CDH13: variants seen among roughly 807,000 people sequenced by gnomAD.
CDH13 encodes cadherin-13.
A neutral mutation model predicts 63.8 loss-of-function variants in CDH13; 24 were observed. That is an observed-to-expected ratio of 0.38 (90% CI 0.27 to 0.53). The LOEUF is 0.53. Ranked by LOEUF, CDH13 falls within the 20% of genes least tolerant of loss-of-function variation. CDH13 has a pLI of 0.85. For synonymous variants in CDH13, 503 were observed against 355.3 expected (o/e 1.42, Z -4.67); for missense variants, 1,049 against 903.1 (o/e 1.16, Z -2.07).
chr16:82,771,656 G>T (rs1041342307), intron 1 of CDH13, among the ~76,000 whole-genome samples: 3 of 152,216 alleles, frequency 2.0e-5, no homozygotes, highest in Admixed American at 1.3e-4. Context: ...TCCAGCTTTA[G>T]AATGCAAACT....
At chr16:83,492,914 C>G (rs1395886258) in intron 7 of CDH13, among the ~76,000 whole-genome samples, 3 of 152,332 alleles carry the variant, frequency 2.0e-5, no homozygotes, top group Non-Finnish European at 4.4e-5. Flanking sequence ...TCCATTAAAG[C>G]TAAGACCGTG....
chr16:83,094,059 G>A (rs547041509), intron 3 of CDH13, among the ~76,000 whole-genome samples: 5 of 152,196 alleles, frequency 3.3e-5, no homozygotes, highest in Non-Finnish European at 5.9e-5. Flanking sequence ...TTAAGAGCAG[G>A]GTGACATGAA....
intron 6 of CDH13, among the ~76,000 whole-genome samples, chr16:83,478,836 G>GAAA (rs374669824): frequency 8.9e-5 from 10 of 112,276 alleles, no homozygotes; most frequent in Admixed American, 2.8e-4. Context: ...TTGAAGATGA[G>GAAA]AAAAAAAAAA....
At chr16:83,035,641 G>C (rs1440156283) in intron 3 of CDH13, among the ~76,000 whole-genome samples, 1 of 152,194 alleles carries the variant, frequency 6.6e-6, no homozygotes, top group African/African-American at 2.4e-5. Flanking sequence ...TCCAACCCCT[G>C]CATGAGCTGG....
chr16:82,912,394 G>A (rs1172077479), intron 2 of CDH13, among the ~76,000 whole-genome samples: 3 of 152,160 alleles, frequency 2.0e-5, no homozygotes, highest in African/African-American at 7.2e-5. Context: ...CATGGTTGTA[G>A]AGTTCAGATA....
chr16:83,795,196 A>C lies in CDH13; in HGVS notation c.*166A>C. On this transcript the variant is annotated 3_prime_UTR_variant, in exon 14 of 14. Coordinates refer to ENST00000567109, the MANE Select transcript of CDH13 (RefSeq NM_001257.5). ...TACAATTTCACTTAGTCTGTACTTC[A>C]TCATTTTGACAGCATCTTCCTCCCT... The C allele has an allele frequency of 3.5e-6, 2 of 577,418 alleles. No individual in the cohort carries two copies. The highest frequency in any genetic ancestry group is 6.1e-6 in the Non-Finnish European group (2 of 329,384). The allele number at this position is 577,418 out of a possible 1,614,324, so 35.8% of individuals were successfully genotyped here.
At chr16:83,086,090 T>C (rs903335564) in intron 3 of CDH13, among the ~76,000 whole-genome samples, 4 of 152,274 alleles carry the variant, frequency 2.6e-5, no homozygotes, top group African/African-American at 9.6e-5. Context: ...TACCCCATGA[T>C]GAAAAGATGG....
chr16:83,526,249 T>C (rs1360301198), intron 7 of CDH13, among the ~76,000 whole-genome samples: 1 of 152,200 alleles, frequency 6.6e-6, no homozygotes, highest in Non-Finnish European at 1.5e-5. Context: ...TTTTGTTTTT[T>C]TCCTCTTTAT....
At chr16:82,635,941 C>T (rs565501596) in intron 1 of CDH13, among the ~76,000 whole-genome samples, 6 of 152,210 alleles carry the variant, frequency 3.9e-5, no homozygotes, top group East Asian at 1.9e-4. Flanking sequence ...GTGCCTCCTT[C>T]GCCTTCCCCT....
chr16:83,106,853 A>G (rs886186474), intron 3 of CDH13, among the ~76,000 whole-genome samples: 7 of 152,164 alleles, frequency 4.6e-5, no homozygotes, highest in African/African-American at 1.7e-4. Context: ...GTGTTTTAAT[A>G]TATTTTTTGG....
intron 5 of CDH13, among the ~76,000 whole-genome samples, chr16:83,320,391 C>T (rs946754416): frequency 6.6e-6 from 1 of 152,068 alleles, no homozygotes; most frequent in African/African-American, 2.4e-5. Context: ...GACTTATTGT[C>T]CCAAGACCAA....
intron 7 of CDH13, among the ~76,000 whole-genome samples, chr16:83,518,206 G>A (rs568917460): frequency 8.5e-5 from 13 of 152,196 alleles, no homozygotes; most frequent in Middle Eastern, 3.4e-3. Flanking sequence ...GTGCAGTGGC[G>A]TGATCTTGGC....
At chr16:83,509,519 A>G (rs1367920019) in intron 7 of CDH13, among the ~76,000 whole-genome samples, 1 of 152,192 alleles carries the variant, frequency 6.6e-6, no homozygotes, top group African/African-American at 2.4e-5. Context: ...ATAAAACTTT[A>G]TTTACAAAAG....
intron 6 of CDH13, among the ~76,000 whole-genome samples, chr16:83,347,229 C>A (rs1040162835): frequency 2.6e-5 from 4 of 151,990 alleles, no homozygotes; most frequent in African/African-American, 9.7e-5. Flanking sequence ...ATAACAAACC[C>A]TAACTGGCTA....
intron 11 of CDH13, among the ~76,000 whole-genome samples, chr16:83,749,414 A>G (rs1232606011): frequency 6.6e-6 from 1 of 152,206 alleles, no homozygotes; most frequent in Non-Finnish European, 1.5e-5. Context: ...GAGTGGCATT[A>G]CCCAGAAATC....
intron 1 of CDH13, among the ~76,000 whole-genome samples, chr16:82,760,417 T>C (rs1003244153): frequency 5.9e-5 from 9 of 152,144 alleles, no homozygotes; most frequent in African/African-American, 1.9e-4. Context: ...TTCACCATTG[T>C]TTATCTTATG....
At chr16:83,575,567 C>T (rs1567777656) in intron 7 of CDH13, among the ~76,000 whole-genome samples, 1 of 152,170 alleles carries the variant, frequency 6.6e-6, no homozygotes, top group South Asian at 2.1e-4. Flanking sequence ...CATCTTCACC[C>T]ATGCCCATCC....
intron 10 of CDH13, among the ~76,000 whole-genome samples, chr16:83,726,802 C>T (rs1280232681): frequency 6.7e-6 from 1 of 149,492 alleles, no homozygotes; most frequent in Non-Finnish European, 1.5e-5. Flanking sequence ...GGCGCCACTG[C>T]GCTCCAGCCT....
intron 7 of CDH13, among the ~76,000 whole-genome samples, chr16:83,515,456 T>C (rs2074678715): frequency 6.6e-6 from 1 of 152,232 alleles, no homozygotes; most frequent in Admixed American, 6.5e-5. Flanking sequence ...TTCAGTCTTT[T>C]CCGTGACACA....
Sources: allele counts gnomAD v4.1 joint callset (sites outside exome capture counted in the v4.1 genomes callset), GRCh38; gene constraint gnomAD v4.1.1; transcripts MANE v1.5; gene names NCBI Gene and HGNC (gene_info 2026-07-23, HGNC 2026-07-21).